ZNF516: variants seen among roughly 807,000 people sequenced by gnomAD.
ZNF516 encodes the protein zinc finger protein 516.
ZNF516 carries 19 observed loss-of-function variants against 79.7 expected under a neutral mutation model. That is an observed-to-expected ratio of 0.24 (90% CI 0.17 to 0.35). ZNF516 has a LOEUF of 0.35. Among genes scored for constraint, ZNF516 ranks in the 10% least tolerant of loss-of-function variants. ZNF516 has a pLI of 1.00. For missense variants in ZNF516, 1,678 were observed against 1,679.5 expected, an observed-to-expected ratio of 1.00 and a Z score of 0.02; for synonymous variants, 877 against 739.5, an observed-to-expected ratio of 1.19 and a Z score of -3.02.
In ZNF516 at chr18:76,491,461, T is replaced by C. The variant is rs867088192; in HGVS notation, c.-272+3683A>G. On this transcript the variant is annotated intron_variant, in intron 1 of 6. Coordinates refer to ENST00000443185, the MANE Select transcript of ZNF516 (RefSeq NM_014643.4). ...CCCGCACAGACCCCCGCCTTTGTTA[T>C]GGTGCGAAGTTGGGCTGTGGGTCCG... Among the ~76,000 whole-genome samples the C allele has an allele frequency of 8.7e-3, 1,128 of 129,746 alleles. 20 individuals carry two copies. Among genetic ancestry groups the C allele is most frequent in the African/African-American group, 0.03 (1,097 of 36,558 alleles). The allele number at this position is 129,746 out of a possible 152,430, so 85.1% of individuals were successfully genotyped here. A position where few individuals can be genotyped will look rare whatever the true frequency, so the allele number is the denominator to read the frequency against.
intron 3 of ZNF516, among the ~76,000 whole-genome samples, chr18:76,424,245 C>G (rs71354501): frequency 0.99 from 6,911 of 6,952 alleles, 3,442 homozygotes; most frequent in Middle Eastern, 1. Context: ...AACACACGCA[C>G]GTGAAAAGGC....
At position 76,392,007 on chromosome 18, in the gene ZNF516, C is replaced by T. The variant is rs147374448; in HGVS notation, c.1811-11704G>A. Among the ~76,000 whole-genome samples, 990 of 152,316 alleles carry T rather than the reference C, an allele frequency of 6.5e-3. 17 individuals are homozygous for T. Among genetic ancestry groups the T allele is most frequent in the African/African-American group, 0.023 (957 of 41,558 alleles). ...AACAACACCACGGTCCTCTCTGCCG[C>T]GGCTCACAACGCCGCCCCTGGCTTC... On this transcript the variant is annotated intron_variant, in intron 3 of 6. Coordinates refer to ENST00000443185, the MANE Select transcript of ZNF516 (RefSeq NM_014643.4).
intron 1 of ZNF516, among the ~76,000 whole-genome samples, chr18:76,488,623 A>AT (rs914780799): frequency 2.6e-5 from 4 of 152,264 alleles, no homozygotes; most frequent in Admixed American, 2.0e-4. Context: ...ATGTATAAAC[A>AT]TTAACAGCAT....
At chr18:76,423,151 T>C (rs1357772307) in intron 3 of ZNF516, among the ~76,000 whole-genome samples, 1 of 152,092 alleles carries the variant, frequency 6.6e-6, no homozygotes, top group Non-Finnish European at 1.5e-5. Context: ...CACAACACAA[T>C]TTACACGCAT....
chr18:76,439,698 A>T (rs2145517738), intron 3 of ZNF516, among the ~76,000 whole-genome samples: 1 of 152,332 alleles, frequency 6.6e-6, no homozygotes, highest in Admixed American at 6.5e-5. Context: ...CATCATAATC[A>T]ATGGGGTGAG....
At position 76,493,962 on chromosome 18, in the gene ZNF516, AC is replaced by A. The variant is rs1185579419; in HGVS notation, c.-272+1181del. ...TCTTTGCACACCCGGAGACCCGGTG[AC>A]TCTTTATCAGCGGAATGAGTAAGAC... On this transcript the variant is annotated intron_variant, in intron 1 of 6. Coordinates refer to ENST00000443185, the MANE Select transcript of ZNF516 (RefSeq NM_014643.4). The surrounding 1 kb of genome is among the most constrained non-coding windows in gnomAD (Gnocchi z 5.2). 2 of 152,128 alleles carry A rather than the reference AC, an allele frequency of 1.3e-5. No homozygotes were observed. Among genetic ancestry groups the A allele is most frequent in the Non-Finnish European group, 2.9e-5 (2 of 68,024 alleles). 9.4% of individuals were successfully genotyped at this position (152,128 alleles called of 1,614,324 possible). A position where few individuals can be genotyped will look rare whatever the true frequency, so the allele number is the denominator to read the frequency against.
intron 1 of ZNF516, among the ~76,000 whole-genome samples, chr18:76,472,883 C>A (rs1423978972): frequency 6.6e-6 from 1 of 152,168 alleles, no homozygotes; most frequent in African/African-American, 2.4e-5. Context: ...GAAATAAAAA[C>A]TATGTCATGT....
At chr18:76,474,249 T>C (rs1310749591) in intron 1 of ZNF516, among the ~76,000 whole-genome samples, 1 of 152,202 alleles carries the variant, frequency 6.6e-6, no homozygotes, top group Non-Finnish European at 1.5e-5. Context: ...GTAAGGCTTA[T>C]CTAATATATG....
Position 76,441,546 on chromosome 18 carries a change from G to A in ZNF516, c.1509C>T (p.Arg503=). Reference sequence around the variant, plus strand: ...CCTGGCCGGTGGTGGCTGCGGCCCTGCGGTTGGGGCGCGCGGCCGAGCGGG... The same window carrying A: ...CCTGGCCGGTGGTGGCTGCGGCCCTACGGTTGGGGCGCGCGGCCGAGCGGG... ...LDPRSAARPN[R]RAAATTGQGK... Residue 503 remains arginine (R), a synonymous_variant, in exon 3 of 7, where the codon CGC becomes CGT. Coordinates refer to ENST00000443185, the MANE Select transcript of ZNF516 (RefSeq NM_014643.4). The A allele has an allele frequency of 1.3e-6, 2 of 1,549,092 alleles. No homozygotes were observed. Among genetic ancestry groups the A allele is most frequent in the Non-Finnish European group, 1.7e-6 (2 of 1,150,842 alleles).
In ZNF516 at chr18:76,442,619, C is replaced by T. The variant is rs1599099514; in HGVS notation, c.436G>A (p.Ala146Thr). The part of the protein sequence containing the change: ...GARVLNGASQ[A>T]DSGRVLLRSS... The stretch of plus-strand genomic sequence containing the variant: ...CGCAGCAGGACTCTGCCGCTGTCGG[C>T]CTGCGAGGCCCCGTTCAGGACCCTG... Residue 146 changes from alanine (A) to threonine (T), a missense_variant, in exon 3 of 7, where the codon GCC becomes ACC. Physicochemically the swap from Ala to Thr is moderately conservative, Grantham distance 58 (BLOSUM62 0). Around this residue, in one of 5 missense-constraint regions of ZNF516, gnomAD observed 279 missense variants for 254.1 expected, o/e 1.10. Transcript: ENST00000443185. 6.3e-7 allele frequency: 1 copy of T among 1,596,092 alleles called. No individual in the cohort carries two copies. The highest frequency in any genetic ancestry group is 2.2e-5 in the East Asian group (1 of 44,716).
At position 76,459,141 on chromosome 18, in the gene ZNF516, C is replaced by A. The variant is rs1366572721; in HGVS notation, c.-158+3887G>T. Among the ~76,000 whole-genome samples, 1 of 152,226 alleles carries A rather than the reference C, an allele frequency of 6.6e-6. No homozygotes were observed. Among genetic ancestry groups the A allele is most frequent in the Non-Finnish European group, 1.5e-5 (1 of 68,036 alleles). On this transcript the variant is annotated intron_variant, in intron 2 of 6. Transcript: ENST00000443185. The surrounding 1 kb of genome is among the most constrained non-coding windows in gnomAD (Gnocchi z 5.0). ...CACTCGTGCCCATGTGCCTGGATTA[C>A]CAGCTTCGCACAGAGCCAGACGCTG...
In ZNF516 at chr18:76,418,262, G is replaced by A. The variant is rs560867086; in HGVS notation, c.1810+22983C>T. Among the ~76,000 whole-genome samples the A allele has an allele frequency of 5.1e-4, 78 of 151,674 alleles. 1 individual carries two copies. In the South Asian group the frequency reaches 0.015, roughly 28 times the overall value. ...ACACTATAACACACTAACATACACC[G>A]TAACACACTAACATACACTGTAACG... On this transcript the variant is annotated intron_variant, in intron 3 of 6. Transcript: ENST00000443185.
chr18:76,435,459 G>A (rs917973270), intron 3 of ZNF516, among the ~76,000 whole-genome samples: 5 of 152,104 alleles, frequency 3.3e-5, no homozygotes, highest in South Asian at 2.1e-4. Context: ...CTGATAACTC[G>A]GAAAGCACAT....
At position 76,488,900 on chromosome 18, in the gene ZNF516, A is replaced by T. The variant is rs959340663; in HGVS notation, c.-272+6244T>A. On this transcript the variant is annotated intron_variant, in intron 1 of 6. Coordinates refer to ENST00000443185, the MANE Select transcript of ZNF516 (RefSeq NM_014643.4). ...AGTAATAAGCGAAATACCACTTTTA[A>T]TTAGGTAATTAACAGAAGTCCTTTT... Among the ~76,000 whole-genome samples the T allele has an allele frequency of 3.3e-5, 5 of 152,362 alleles. No homozygotes were observed. In the East Asian group the frequency reaches 9.6e-4, roughly 29 times the overall value.
intron 3 of ZNF516, among the ~76,000 whole-genome samples, chr18:76,419,861 A>C (rs530102913): frequency 3.9e-5 from 6 of 152,358 alleles, no homozygotes; most frequent in Non-Finnish European, 5.9e-5. Context: ...GTTCATGAGA[A>C]CATATACAAT....
chr18:76,404,513 G>C (rs1455162045), intron 3 of ZNF516, among the ~76,000 whole-genome samples: 1 of 152,054 alleles, frequency 6.6e-6, no homozygotes, highest in Non-Finnish European at 1.5e-5. Flanking sequence ...GTGTGCATGT[G>C]ACTGCACAAG....
intron 2 of ZNF516, among the ~76,000 whole-genome samples, chr18:76,448,912 G>T (rs1912228466): frequency 1.3e-5 from 2 of 152,210 alleles, no homozygotes; most frequent in African/African-American, 4.8e-5. Context: ...CAGGAGGGAA[G>T]CGATTCACTA....
intron 3 of ZNF516, among the ~76,000 whole-genome samples, chr18:76,409,754 T>C (rs893006536): frequency 2.6e-5 from 4 of 152,196 alleles, no homozygotes; most frequent in African/African-American, 9.7e-5. Flanking sequence ...CCAGACTGCC[T>C]TGCAGCTAGG....
At chr18:76,487,074 C>T (rs1914874485) in intron 1 of ZNF516, among the ~76,000 whole-genome samples, 1 of 152,160 alleles carries the variant, frequency 6.6e-6, no homozygotes, top group African/African-American at 2.4e-5. Flanking sequence ...TTTCTAATTA[C>T]TCCTGCTTTG....
Sources: allele counts gnomAD v4.1 joint callset (sites outside exome capture counted in the v4.1 genomes callset), GRCh38; gene constraint gnomAD v4.1.1; regional missense constraint gnomAD v4.1.1; non-coding constraint Gnocchi (gnomAD v3.1); transcripts MANE v1.5; gene names NCBI Gene and HGNC (gene_info 2026-07-23, HGNC 2026-07-21).